The following SOBP variants were observed in gnomAD, a reference collection of about 807,000 sequenced individuals.
SOBP encodes sine oculis binding protein homolog.
A neutral mutation model predicts 53.6 loss-of-function variants in SOBP; 4 were observed. That is an observed-to-expected ratio of 0.07 (90% CI 0.04 to 0.17). SOBP has a LOEUF of 0.17. SOBP is among the 10% of genes least tolerant of loss of function. SOBP has a pLI of 1.00. For synonymous variants in SOBP, 584 were observed against 522.6 expected, an observed-to-expected ratio of 1.12 and a Z score of -1.60; for missense variants, 1,088 against 1,204.7, an observed-to-expected ratio of 0.90 and a Z score of 1.43.
At position 107,634,149 on chromosome 6, in the gene SOBP, G is replaced by A. The variant is rs753245858; in HGVS notation, c.1305G>A (p.Gly435=). ...CCAACCCCATGCTTCCCGGCATCGG[G>A]CCCCCGCCCGGTGGCCCCAGAAACC... The part of the protein sequence containing the change: ...PLSNPMLPGI[G]PPPGGPRNLG... Residue 435 remains glycine, a synonymous_variant, in exon 6 of 7, where the codon GGG becomes GGA. Transcript: ENST00000317357. This position sits in a 1 kb window ranked among gnomAD's most constrained non-coding sequence, Gnocchi z 4.5. The A allele has an allele frequency of 2.5e-6, 4 of 1,611,030 alleles. No homozygotes were observed. The highest frequency in any genetic ancestry group is 2.5e-6 in the Non-Finnish European group (3 of 1,179,082).
chr6:107,645,879 G>A (rs1771534420), intron 6 of SOBP, among the ~76,000 whole-genome samples: 1 of 152,326 alleles, frequency 6.6e-6, no homozygotes, highest in African/African-American at 2.4e-5. Context: ...AAAAGAGCAA[G>A]CTGTATTAGG....
chr6:107,522,989 G>A (rs1711589007), intron 3 of SOBP, among the ~76,000 whole-genome samples: 1 of 152,164 alleles, frequency 6.6e-6, no homozygotes, highest in African/African-American at 2.4e-5. Context: ...AACTGAGGTG[G>A]GAAACGCAGT....
intron 5 of SOBP, among the ~76,000 whole-genome samples, chr6:107,606,897 A>C (rs1458672924): frequency 2.0e-5 from 3 of 152,288 alleles, no homozygotes; most frequent in South Asian, 4.1e-4. Flanking sequence ...TCCAACGTGG[A>C]GCTTATCACC....
chr6:107,523,019 G>A (rs1783559431), intron 3 of SOBP, among the ~76,000 whole-genome samples: 1 of 152,218 alleles, frequency 6.6e-6, no homozygotes, highest in Non-Finnish European at 1.5e-5. Context: ...TGGAAATGGA[G>A]AGGGTTGTGT....
At chr6:107,495,287 C>A (rs562570744) in intron 1 of SOBP, among the ~76,000 whole-genome samples, 3 of 152,286 alleles carry the variant, frequency 2.0e-5, no homozygotes, top group Admixed American at 6.5e-5. Flanking sequence ...TCTCACTTGT[C>A]CTGCCAAAGG....
intron 5 of SOBP, among the ~76,000 whole-genome samples, chr6:107,601,287 A>G (rs561344901): frequency 4.6e-5 from 7 of 152,206 alleles, no homozygotes; most frequent in East Asian, 1.9e-4. Context: ...TCCCTAAACT[A>G]TGGCACATCT....
intron 5 of SOBP, among the ~76,000 whole-genome samples, chr6:107,629,643 T>C (rs1382326325): frequency 6.6e-6 from 1 of 152,260 alleles, no homozygotes; most frequent in East Asian, 1.9e-4. Context: ...GGCTTTCTTA[T>C]ATCAGGAGCA....
chr6:107,626,113 C>T (rs1338712731), intron 5 of SOBP, among the ~76,000 whole-genome samples: 1 of 151,980 alleles, frequency 6.6e-6, no homozygotes, highest in Non-Finnish European at 1.5e-5. Flanking sequence ...AAGGTAAATA[C>T]ATATCTGAAA....
intron 3 of SOBP, among the ~76,000 whole-genome samples, chr6:107,525,870 C>G (rs1043214361): frequency 6.6e-6 from 1 of 152,200 alleles, no homozygotes; most frequent in Admixed American, 6.5e-5. Context: ...AACTGGATTT[C>G]TAGTCTCTCC....
intron 4 of SOBP, among the ~76,000 whole-genome samples, chr6:107,548,794 C>G (rs1314264240): frequency 6.6e-6 from 1 of 151,818 alleles, no homozygotes; most frequent in East Asian, 1.9e-4. Context: ...AAAAATCACC[C>G]AGGTGTGATG....
rs753348289 is a variant in SOBP, at chr6:107,635,444, G to A, written c.2600G>A (p.Arg867Gln). ...CCGCCGCTCAAAAGGAGGTGCCTCC[G>A]AATTAGAAATCAGAATAAGTAAAAG... The part of the protein sequence containing the change: ...LEPPLKRRCL[R>Q]IRNQNK Residue 867 changes from arginine (R) to glutamine (Q), a missense_variant, in exon 6 of 7, where the codon CGA (arginine) becomes CAA (glutamine). Transcript: ENST00000317357. This position sits in a 1 kb window ranked among gnomAD's most constrained non-coding sequence, Gnocchi z 4.5. 6.2e-7 allele frequency: 1 copy of A among 1,613,402 alleles called. No individual in the cohort carries two copies. Among genetic ancestry groups the A allele is most frequent in the Non-Finnish European group, 8.5e-7 (1 of 1,180,016 alleles).
In SOBP at chr6:107,634,395, G is replaced by GGTGCCGCCCCCGACCCTGCTC; in HGVS notation, c.1558_1578dup (p.Pro520_Pro526dup). Reference sequence around the variant, plus strand: ...TCGGGCTGCCGTCGCTTGCCCCGCTGGTGCCGCCCCCGACCCTGCTCGTGC... The same window carrying GGTGCCGCCCCCGACCCTGCTC: ...TCGGGCTGCCGTCGCTTGCCCCGCTGGTGCCGCCCCCGACCCTGCTCGTGCCGCCCCCGACCCTGCTCGTGC... On this transcript the variant is annotated inframe_insertion, in exon 6 of 7. Coordinates refer to ENST00000317357, the MANE Select transcript of SOBP (RefSeq NM_018013.4). This position sits in a 1 kb window ranked among gnomAD's most constrained non-coding sequence, Gnocchi z 4.5. 1.2e-6 allele frequency: 2 copies of GGTGCCGCCCCCGACCCTGCTC among 1,600,592 alleles called. No homozygotes were observed. Among genetic ancestry groups the GGTGCCGCCCCCGACCCTGCTC allele is most frequent in the Non-Finnish European group, 1.7e-6 (2 of 1,178,982 alleles).
chr6:107,647,359 G>A (rs1771604904), intron 6 of SOBP, among the ~76,000 whole-genome samples: 1 of 152,154 alleles, frequency 6.6e-6, no homozygotes. Flanking sequence ...CCTGGCTCCA[G>A]AGTTTCCATG....
chr6:107,508,199 A>G (rs1331538948), intron 3 of SOBP, among the ~76,000 whole-genome samples: 2 of 152,208 alleles, frequency 1.3e-5, no homozygotes, highest in Non-Finnish European at 2.9e-5. Context: ...GGCTTATGTT[A>G]TAGATATACT....
Position 107,500,890 on chromosome 6 carries a change from G to A in SOBP, c.97-2767G>A, listed in dbSNP as rs530432644. The stretch of plus-strand genomic sequence containing the variant: ...TCTTCATACAATAGTGTATACAACA[G>A]AAGTAATAGTCATTTCTTGTAGCTG... On this transcript the variant is annotated intron_variant, in intron 1 of 6. Transcript: ENST00000317357. 1.1e-3 allele frequency among the ~76,000 whole-genome samples: 173 copies of A among 152,304 alleles called. 3 individuals are homozygous for A. The highest frequency in any genetic ancestry group is 3.9e-3 in the African/African-American group (162 of 41,570).
chr6:107,611,873 AC>A (rs1164222252), intron 5 of SOBP, among the ~76,000 whole-genome samples: 2 of 152,070 alleles, frequency 1.3e-5, no homozygotes, highest in Non-Finnish European at 2.9e-5. Flanking sequence ...CTTGAGGTGA[AC>A]CCAAGAATGG....
chr6:107,566,216 C>T (rs1175499121), intron 4 of SOBP, among the ~76,000 whole-genome samples: 2 of 152,214 alleles, frequency 1.3e-5, no homozygotes, highest in African/African-American at 4.8e-5. Flanking sequence ...TCTGTTTAAA[C>T]CAAAACCCTT....
intron 4 of SOBP, among the ~76,000 whole-genome samples, chr6:107,567,970 G>A (rs1012688063): frequency 7.2e-5 from 11 of 152,182 alleles, no homozygotes; most frequent in African/African-American, 7.2e-5. Context: ...TTTAAACTCA[G>A]CTGGCTGGTT....
chr6:107,587,802 A>G (rs977161069), intron 5 of SOBP, among the ~76,000 whole-genome samples: 6 of 152,228 alleles, frequency 3.9e-5, no homozygotes, highest in Non-Finnish European at 8.8e-5. Flanking sequence ...ACAGCCAGAC[A>G]AGATGAAAAG....
Sources: gnomAD v4.1 joint callset for allele counts (sites outside exome capture counted in the v4.1 genomes callset) on GRCh38, gnomAD v4.1.1 for gene constraint, Gnocchi (gnomAD v3.1) non-coding constraint, MANE v1.5 for transcripts, NCBI Gene and HGNC (gene_info 2026-07-23, HGNC 2026-07-21) for gene names.